The following KIF3C variants were observed in gnomAD, a reference collection of about 807,000 sequenced individuals.
KIF3C encodes kinesin-like protein KIF3C.
Under a neutral mutation model 67.7 loss-of-function variants are expected in KIF3C, and 12 were observed. The observed-to-expected ratio is 0.18, with a 90% CI of 0.11 to 0.29. KIF3C has a LOEUF of 0.29. Ranked by LOEUF, KIF3C falls within the 10% of genes least tolerant of loss-of-function variation. The pLI is 1.00. For synonymous variants in KIF3C, 393 were observed against 426.2 expected, an observed-to-expected ratio of 0.92 and a Z score of 0.96; for missense variants, 789 against 1,059.6, an observed-to-expected ratio of 0.74 and a Z score of 3.55.
rs1378522908 is a variant in KIF3C, at chr2:25,955,346, A to G, written c.1770+195T>C. Among the ~76,000 whole-genome samples the G allele has an allele frequency of 6.6e-6, 1 of 152,018 alleles. No individual in the cohort carries two copies. The highest frequency in any genetic ancestry group is 1.5e-5 in the Non-Finnish European group (1 of 67,994). On this transcript the variant is annotated intron_variant, in intron 3 of 7. Transcript: ENST00000264712. The surrounding 1 kb of genome is among the most constrained non-coding windows in gnomAD (Gnocchi z 5.0). ...AGCCTGTCATAGCCCACCCTGGCCCAGGAGAAAAGGCTCTACTCCACCCCC... is the reference window on the plus strand; with the variant it reads ...AGCCTGTCATAGCCCACCCTGGCCCGGGAGAAAAGGCTCTACTCCACCCCC...
intron 5 of KIF3C, among the ~76,000 whole-genome samples, chr2:25,930,905 C>G (rs545489277): frequency 5.8e-4 from 88 of 152,028 alleles, no homozygotes; most frequent in African/African-American, 2.1e-3. Context: ...AAGCTGGTCT[C>G]GAACTCCTGA....
Position 25,955,690 on chromosome 2 carries a change from C to T in KIF3C, c.1648-27G>A. The T allele has an allele frequency of 1.2e-6, 2 of 1,613,424 alleles. No homozygotes were observed. The highest frequency in any genetic ancestry group is 1.7e-6 in the Non-Finnish European group (2 of 1,179,590). On this transcript the variant is annotated intron_variant, in intron 2 of 7. Transcript: ENST00000264712. This position sits in a 1 kb window ranked among gnomAD's most constrained non-coding sequence, Gnocchi z 5.0. ...TAGGCCAAGGACGGGCAGTGTGGCT[C>T]AAAGGAGCAGTGCATACTCGGGAGG... is the stretch of plus-strand genomic sequence containing the variant.
intron 1 of KIF3C, among the ~76,000 whole-genome samples, chr2:25,974,990 C>T (rs780163837): frequency 3.5e-5 from 5 of 142,496 alleles, no homozygotes; most frequent in South Asian, 2.2e-4. Flanking sequence ...CACACCATTC[C>T]ACTCCAGCCT....
intron 5 of KIF3C, among the ~76,000 whole-genome samples, chr2:25,950,052 G>A (rs1399567132): frequency 1.3e-5 from 2 of 150,338 alleles, no homozygotes; most frequent in African/African-American, 4.9e-5. Context: ...CACCACACCC[G>A]GCTAATTTTT....
intron 5 of KIF3C, among the ~76,000 whole-genome samples, chr2:25,944,393 C>T (rs1284615974): frequency 1.4e-5 from 2 of 147,910 alleles, no homozygotes. Flanking sequence ...GTTGACCAGG[C>T]CAGGTGGAGT....
At chr2:25,972,806 C>A (rs1664314315) in intron 1 of KIF3C, among the ~76,000 whole-genome samples, 1 of 152,126 alleles carries the variant, frequency 6.6e-6, no homozygotes, top group African/African-American at 2.4e-5. Context: ...TCCCAAAAAC[C>A]CTGTCGTCCA....
intron 1 of KIF3C, among the ~76,000 whole-genome samples, chr2:25,963,512 G>A (rs1240805714): frequency 6.6e-6 from 1 of 150,780 alleles, no homozygotes; most frequent in East Asian, 2.0e-4. Flanking sequence ...GCTTTTTTAG[G>A]TGACTTTCTT....
At chr2:25,943,218 A>G (rs1559549870) in intron 5 of KIF3C, among the ~76,000 whole-genome samples, 2 of 152,192 alleles carry the variant, frequency 1.3e-5, no homozygotes, top group South Asian at 2.1e-4. Context: ...GGTGGGATCC[A>G]ATGCTGAAGA....
At chr2:25,971,135 G>A (rs895244286) in intron 1 of KIF3C, among the ~76,000 whole-genome samples, 1 of 152,030 alleles carries the variant, frequency 6.6e-6, no homozygotes. Flanking sequence ...GGCCTGGCGT[G>A]GTGGCGGGTG....
At chr2:25,959,543 G>C (rs533797259) in intron 1 of KIF3C, among the ~76,000 whole-genome samples, 1 of 151,960 alleles carries the variant, frequency 6.6e-6, no homozygotes, top group Non-Finnish European at 1.5e-5. Context: ...ACGTTCAAGC[G>C]ATTCTCCTGC....
At chr2:25,941,568 A>G (rs570160326) in intron 5 of KIF3C, among the ~76,000 whole-genome samples, 15 of 151,406 alleles carry the variant, frequency 9.9e-5, no homozygotes, top group African/African-American at 2.7e-4. Flanking sequence ...AAAAAAAAAA[A>G]AAGAAGAAGA....
At chr2:25,942,961 T>C (rs1470926347) in intron 5 of KIF3C, among the ~76,000 whole-genome samples, 4 of 152,158 alleles carry the variant, frequency 2.6e-5, no homozygotes, top group African/African-American at 9.7e-5. Flanking sequence ...AGGAAGAATG[T>C]TTTTTGAACA....
At chr2:25,974,241 T>G (rs1253437116) in intron 1 of KIF3C, among the ~76,000 whole-genome samples, 1 of 152,126 alleles carries the variant, frequency 6.6e-6, no homozygotes, top group East Asian at 1.9e-4. Context: ...ACCTAATTTT[T>G]GTATTTTTAG....
At chr2:25,933,773 GA>G (rs1315006722) in intron 5 of KIF3C, among the ~76,000 whole-genome samples, 2 of 151,366 alleles carry the variant, frequency 1.3e-5, no homozygotes, top group African/African-American at 4.9e-5. Context: ...TGAGGATGTA[GA>G]GAAAATGAAA....
intron 5 of KIF3C, among the ~76,000 whole-genome samples, chr2:25,946,173 A>G (rs763036382): frequency 4.1e-4 from 62 of 152,212 alleles, no homozygotes; most frequent in Non-Finnish European, 5.7e-4. Context: ...CTGAGGAAAA[A>G]TCAGAGTTTT....
chr2:25,979,592 T>C (rs908420373), intron 1 of KIF3C, among the ~76,000 whole-genome samples: 3 of 152,168 alleles, frequency 2.0e-5, no homozygotes, highest in Non-Finnish European at 2.9e-5. Flanking sequence ...GTCTCTGGTA[T>C]AGAGTTTGGT....
chr2:25,953,107 A>G (rs910183442), intron 4 of KIF3C, among the ~76,000 whole-genome samples: 4 of 151,554 alleles, frequency 2.6e-5, no homozygotes, highest in Non-Finnish European at 4.4e-5. Context: ...CATCTCTACT[A>G]AAAATGCAAA....
At chr2:25,942,699 C>T (rs7578482) in intron 5 of KIF3C, among the ~76,000 whole-genome samples, 80,438 of 152,068 alleles carry the variant, frequency 0.53, 25,106 homozygotes, top group Non-Finnish European at 0.73. Flanking sequence ...CGTGAGCCAC[C>T]GCGCCAGTGC....
chr2:25,962,780 ATATATATAATATATAT>A (rs1663984419), intron 1 of KIF3C, among the ~76,000 whole-genome samples: 2 of 82,240 alleles, frequency 2.4e-5, no homozygotes, highest in African/African-American at 5.7e-5. Flanking sequence ...AATATATGTT[ATATATATAATATATAT>A]TATATAATAT....
Sources: allele counts gnomAD v4.1 joint callset (sites outside exome capture counted in the v4.1 genomes callset), GRCh38; gene constraint gnomAD v4.1.1; non-coding constraint Gnocchi (gnomAD v3.1); transcripts MANE v1.5; gene names NCBI Gene and HGNC (gene_info 2026-07-23, HGNC 2026-07-21).